The following PLA2G4A variants were observed in gnomAD, a reference collection of about 807,000 sequenced individuals.
PLA2G4A encodes the protein phospholipase A2 group IVA, also known as cytosolic phospholipase A2.
Under a neutral mutation model 81.9 loss-of-function variants are expected in PLA2G4A, and 40 were observed. The observed-to-expected ratio is 0.49, with a 90% CI of 0.38 to 0.64. The LOEUF (loss-of-function observed/expected upper bound fraction) is 0.64, where lower values mean the gene tolerates loss of function less well. Ranked by LOEUF, PLA2G4A falls within the 30% of genes least tolerant of loss-of-function variation. The pLI is 0.00. For synonymous variants in PLA2G4A, 302 were observed against 296.9 expected, an observed-to-expected ratio of 1.02 and a Z score of -0.18; for missense variants, 715 against 905.1, an observed-to-expected ratio of 0.79 and a Z score of 2.69.
intron 17 of PLA2G4A, among the ~76,000 whole-genome samples, chr1:186,985,064 T>A (rs569364001): frequency 6.6e-6 from 1 of 152,310 alleles, no homozygotes; most frequent in South Asian, 2.1e-4. Context: ...CCTTATTTCT[T>A]AGTGTTCCCC....
chr1:186,854,914 C>G (rs142839107), intron 2 of PLA2G4A, among the ~76,000 whole-genome samples: 2,201 of 151,988 alleles, frequency 0.014, 67 homozygotes, highest in African/African-American at 0.051. Context: ...TATACATGCT[C>G]TCTTCTGGTC....
chr1:186,836,955 C>G (rs552554493), intron 1 of PLA2G4A, among the ~76,000 whole-genome samples: 1 of 152,232 alleles, frequency 6.6e-6, no homozygotes, highest in South Asian at 2.1e-4. Flanking sequence ...GATAAAAAGC[C>G]ATCTACGGGA....
intron 13 of PLA2G4A, 30 bp downstream of exon 13, chr1:186,950,758 G>C: frequency 8.3e-7 from 1 of 1,200,594 alleles, no homozygotes; most frequent in Non-Finnish European, 1.2e-6. Context: ...TTCTGGCCCA[G>C]ATCCATGAGG....
intron 1 of PLA2G4A, among the ~76,000 whole-genome samples, chr1:186,835,652 C>G (rs997984086): frequency 6.6e-6 from 1 of 152,182 alleles, no homozygotes; most frequent in Admixed American, 6.5e-5. Context: ...TTGCTGACGT[C>G]ATGAACTTAG....
intron 7 of PLA2G4A, among the ~76,000 whole-genome samples, chr1:186,924,448 C>G (rs570791713): frequency 6.6e-6 from 1 of 152,214 alleles, no homozygotes; most frequent in Non-Finnish European, 1.5e-5. Context: ...TCTTCACTTA[C>G]TCCCTTTTCA....
chr1:186,940,512 C>G (rs930242536), intron 10 of PLA2G4A, among the ~76,000 whole-genome samples: 1 of 152,152 alleles, frequency 6.6e-6, no homozygotes, highest in African/African-American at 2.4e-5. Flanking sequence ...CCAGGCCCCC[C>G]TGTGGATACC....
At chr1:186,983,407 C>A (rs766888163) in intron 17 of PLA2G4A, among the ~76,000 whole-genome samples, 2 of 152,216 alleles carry the variant, frequency 1.3e-5, no homozygotes, top group Non-Finnish European at 2.9e-5. Flanking sequence ...CTTAGGGCAA[C>A]GTTTCCTCTT....
At chr1:186,844,573 T>C (rs946968377) in intron 1 of PLA2G4A, among the ~76,000 whole-genome samples, 22 of 152,186 alleles carry the variant, frequency 1.4e-4, no homozygotes, top group African/African-American at 5.3e-4. Flanking sequence ...AATTTATTGT[T>C]ATCCTTCAGG....
At chr1:186,912,961 G>A (rs931219628) in intron 7 of PLA2G4A, among the ~76,000 whole-genome samples, 20 of 150,312 alleles carry the variant, frequency 1.3e-4, no homozygotes, top group African/African-American at 3.7e-4. Flanking sequence ...TTAAATGTAG[G>A]CTAAAATTAA....
intron 1 of PLA2G4A, among the ~76,000 whole-genome samples, chr1:186,843,547 A>C (rs1652063200): frequency 6.6e-6 from 1 of 152,224 alleles, no homozygotes; most frequent in Admixed American, 6.5e-5. Flanking sequence ...ACACGTGTAT[A>C]ATGGTAGTCT....
At chr1:186,984,858 G>A (rs1657841549) in intron 17 of PLA2G4A, among the ~76,000 whole-genome samples, 6 of 152,122 alleles carry the variant, frequency 3.9e-5, no homozygotes, top group Admixed American at 3.9e-4. Context: ...CTTCATATAA[G>A]CCAAATATTT....
At chr1:186,877,315 C>A (rs1653539084) in intron 3 of PLA2G4A, among the ~76,000 whole-genome samples, 1 of 152,094 alleles carries the variant, frequency 6.6e-6, no homozygotes, top group Middle Eastern at 3.4e-3. Context: ...GCCTAACACA[C>A]AGTAAGTGCT....
chr1:186,915,239 C>T (rs1349242625), intron 7 of PLA2G4A, among the ~76,000 whole-genome samples: 1 of 152,140 alleles, frequency 6.6e-6, no homozygotes, highest in Non-Finnish European at 1.5e-5. Flanking sequence ...AAATTTCCCA[C>T]AGACCCCTCC....
intron 3 of PLA2G4A, among the ~76,000 whole-genome samples, chr1:186,883,210 G>T (rs1558398011): frequency 1.3e-5 from 2 of 152,036 alleles, no homozygotes; most frequent in African/African-American, 4.8e-5. Context: ...AACTAAAGGA[G>T]TGTTAAAGAA....
chr1:186,833,066 A>C (rs1651654047), intron 1 of PLA2G4A, among the ~76,000 whole-genome samples: 1 of 152,166 alleles, frequency 6.6e-6, no homozygotes, highest in Non-Finnish European at 1.5e-5. Flanking sequence ...GGCCTGAATC[A>C]TGTAAAGAAG....
rs545837115 is a variant in PLA2G4A, at chr1:186,859,400, C to T, written c.33+5013C>T. ...GTTTTTTATTTTTTTGACCAGGAGC[C>T]ATGAATTTTACAAGAAGAAGTCAAG... is the stretch of plus-strand genomic sequence containing the variant. On this transcript the variant is annotated intron_variant, in intron 2 of 17. Transcript: ENST00000367466. 3.4e-3 allele frequency among the ~76,000 whole-genome samples: 512 copies of T among 152,154 alleles called. 2 individuals are homozygous for T. Among genetic ancestry groups the T allele is most frequent in the South Asian group, 6.4e-3 (31 of 4,814 alleles).
rs377408147 is a variant in PLA2G4A, at chr1:186,968,605, A to G, written c.1764+3012A>G. Among the ~76,000 whole-genome samples, 12 of 151,952 alleles carry G rather than the reference A, an allele frequency of 7.9e-5. No individual in the cohort carries two copies. The East Asian group carries it at 1.3e-3, about 17-fold the overall frequency. The stretch of plus-strand genomic sequence containing the variant: ...TTTATAAAATAAAATAAAAATATAT[A>G]CTATCTCTGTATACAGATACGTATT... On this transcript the variant is annotated intron_variant, in intron 15 of 17. Transcript: ENST00000367466.
At position 186,988,686 on chromosome 1, in the gene PLA2G4A, G is replaced by A. The variant is rs1002949210; in HGVS notation, c.*178G>A. The A allele has an allele frequency of 7.3e-6, 4 of 545,252 alleles. No homozygotes were observed. The highest frequency in any genetic ancestry group is 1.0e-5 in the Non-Finnish European group (3 of 295,434). The allele number at this position is 545,252 out of a possible 1,614,324, so 33.8% of individuals were successfully genotyped here. A position where few individuals can be genotyped will look rare whatever the true frequency, so the allele number is the denominator to read the frequency against. ...ACTATTATAAGTTAGGTTGACAAAT[G>A]ATGTTGATTATGTAAGGATATACTT... On this transcript the variant is annotated 3_prime_UTR_variant, in exon 18 of 18. Coordinates refer to ENST00000367466, the MANE Select transcript of PLA2G4A (RefSeq NM_024420.3).
chr1:186,840,716 C>T (rs1034738783), intron 1 of PLA2G4A, among the ~76,000 whole-genome samples: 1 of 152,206 alleles, frequency 6.6e-6, no homozygotes, highest in African/African-American at 2.4e-5. Context: ...AAATGGCTCT[C>T]ATTAAACATT....
Sources: allele counts gnomAD v4.1 joint callset (sites outside exome capture counted in the v4.1 genomes callset), GRCh38; gene constraint gnomAD v4.1.1; transcripts MANE v1.5; gene names NCBI Gene and HGNC (gene_info 2026-07-23, HGNC 2026-07-21).